The following WDR43 variants were observed in gnomAD, a reference collection of about 807,000 sequenced individuals.
The protein encoded by WDR43 is WD repeat domain 43.
WDR43 carries 13 observed loss-of-function variants against 91.4 expected under a neutral mutation model. The ratio of observed to expected loss-of-function variants is 0.14; its 90% CI spans 0.09 to 0.23. The LOEUF (loss-of-function observed/expected upper bound fraction) is 0.23, where lower values mean the gene tolerates loss of function less well. Ranked by LOEUF, WDR43 falls within the 10% of genes least tolerant of loss-of-function variation. The pLI, the probability that WDR43 is intolerant of heterozygous loss-of-function variation, is 1.00. For synonymous variants in WDR43, 331 were observed against 287.9 expected, an observed-to-expected ratio of 1.15 and a Z score of -1.51; for missense variants, 780 against 809.4, an observed-to-expected ratio of 0.96 and a Z score of 0.44.
chr2:28,922,858 G>A (rs570140134), intron 6 of WDR43, 61 bp from the exon 7 acceptor site: 2 of 1,270,894 alleles, frequency 1.6e-6, no homozygotes, highest in Non-Finnish European at 2.1e-6. Flanking sequence ...GTTTTCATAA[G>A]GTAGATTGGG....
intron 11 of WDR43, among the ~76,000 whole-genome samples, chr2:28,934,726 T>C (rs996142042): frequency 1.3e-5 from 2 of 152,178 alleles, no homozygotes; most frequent in African/African-American, 2.4e-5. Context: ...TTCAAATAAA[T>C]ACATTAATAG....
At chr2:28,921,132 T>A (rs6547896) in intron 6 of WDR43, among the ~76,000 whole-genome samples, 61,335 of 111,538 alleles carry the variant, frequency 0.55, 13,077 homozygotes, top group Middle Eastern at 0.64. Context: ...TTAAAAAAAA[T>A]TTTTTTTTTT....
chr2:28,910,610 T>TA (rs1283957439), intron 3 of WDR43, among the ~76,000 whole-genome samples: 2 of 151,338 alleles, frequency 1.3e-5, no homozygotes, highest in East Asian at 3.9e-4. Context: ...TCCTTTGTAA[T>TA]ATATATTTTT....
At chr2:28,935,674 G>C (rs1671324402) in intron 12 of WDR43, 67 bp downstream of exon 12, 4 of 1,101,806 alleles carry the variant, frequency 3.6e-6, no homozygotes, top group Non-Finnish European at 5.1e-6. Context: ...TCAGTAGTTA[G>C]AGAAATGGAT....
intron 16 of WDR43, among the ~76,000 whole-genome samples, chr2:28,944,292 T>A (rs56354220): frequency 1 from 151,619 of 152,344 alleles, 75,451 homozygotes; most frequent in East Asian, 1. Flanking sequence ...TTTCATTAAA[T>A]TGATTTGTGT....
chr2:28,924,866 G>C lies in WDR43; in HGVS notation c.915-116G>C, dbSNP rs1671098103. The C allele has an allele frequency of 4.9e-6, 6 of 1,236,592 alleles. No homozygotes were observed. The South Asian group carries it at 6.1e-5, about 13-fold the overall frequency. The allele number at this position is 1,236,592 out of a possible 1,614,324, so 76.6% of individuals were successfully genotyped here. A position where few individuals can be genotyped will look rare whatever the true frequency, so the allele number is the denominator to read the frequency against. On this transcript the variant is annotated intron_variant, in intron 7 of 17. Transcript: ENST00000407426. ...TGCTCCGGAGACCCAGGTGACTCCT[G>C]ATGGCAGTATAGAGGCTAGAGGGGG... is the stretch of plus-strand genomic sequence containing the variant.
At chr2:28,922,771 A>G (rs1460550210) in intron 6 of WDR43, 148 bp from the exon 7 acceptor site, 1 of 584,292 alleles carries the variant, frequency 1.7e-6, no homozygotes, top group Non-Finnish European at 2.8e-6. Context: ...GACAGAGGTA[A>G]TTATTTTTAA....
intron 2 of WDR43, 81 bp downstream of exon 2, chr2:28,902,205 A>G: frequency 6.9e-7 from 1 of 1,446,872 alleles, no homozygotes; most frequent in Non-Finnish European, 9.2e-7. Context: ...AAACACTTCA[A>G]GGTATGTGAT....
intron 17 of WDR43, 47 bp from the exon 18 acceptor site, chr2:28,946,553 A>G (rs1224673298): frequency 1.3e-6 from 2 of 1,587,768 alleles, no homozygotes; most frequent in East Asian, 2.3e-5. Flanking sequence ...CATACTCTGT[A>G]AGAATGAGAC....
Position 28,936,930 on chromosome 2 carries a change from G to C in WDR43, c.1533G>C (p.Lys511Asn). 1 of 1,574,022 alleles carries C rather than the reference G, an allele frequency of 6.4e-7. No homozygotes were observed. The highest frequency in any genetic ancestry group is 8.6e-7 in the Non-Finnish European group (1 of 1,158,498). The change falls in exon 13 of 18, where the codon AAG becomes AAC. Residue 511 changes from lysine to asparagine, a missense_variant. Lys to Asn is a moderately conservative substitution (Grantham distance 94). Coordinates refer to ENST00000407426, the MANE Select transcript of WDR43 (RefSeq NM_015131.3). ...TIIPLLQELT[K>N]RLQGHPNSAV... is the part of the protein sequence containing the mutation. ...GTTTTTCTCTCCCTTAGCTTACAAA[G>C]AGGTTACAAGGACATCCTAATAGGT...
chr2:28,935,364 C>T (rs550395805), intron 11 of WDR43, among the ~76,000 whole-genome samples, 157 bp from the exon 12 acceptor site: 1 of 152,156 alleles, frequency 6.6e-6, no homozygotes, highest in Admixed American at 6.5e-5. Context: ...ATACTCCATT[C>T]AGTCCCTCCA....
At chr2:28,915,916 CTTAAT>C (rs1413372447) in intron 5 of WDR43, among the ~76,000 whole-genome samples, 1 of 152,130 alleles carries the variant, frequency 6.6e-6, no homozygotes, top group Non-Finnish European at 1.5e-5. Context: ...CAGATCAACT[CTTAAT>C]TTTCTTCTGA....
At chr2:28,940,951 A>C (rs538249991) in intron 14 of WDR43, among the ~76,000 whole-genome samples, 150 of 152,360 alleles carry the variant, frequency 9.8e-4, no homozygotes, top group Admixed American at 2.0e-3. Context: ...ACTCATTAAC[A>C]GGAAGTATAT....
intron 14 of WDR43, among the ~76,000 whole-genome samples, chr2:28,940,129 A>AG (rs1671407887): frequency 6.6e-6 from 1 of 150,500 alleles, no homozygotes; most frequent in Admixed American, 6.6e-5. Flanking sequence ...AAAAAAAAAA[A>AG]GAATGGAGTC....
At chr2:28,918,139 A>G (rs1572590423) in intron 6 of WDR43, 144 bp downstream of exon 6, 2 of 686,040 alleles carry the variant, frequency 2.9e-6, no homozygotes, top group East Asian at 5.6e-5. Context: ...AGACTGTTCA[A>G]AGGAACTTAA....
At chr2:28,924,206 A>G (rs1268813989) in intron 7 of WDR43, among the ~76,000 whole-genome samples, 1 of 152,214 alleles carries the variant, frequency 6.6e-6, no homozygotes, top group Non-Finnish European at 1.5e-5. Context: ...AGGAGTGTCC[A>G]TCAACCTGGA....
intron 10 of WDR43, among the ~76,000 whole-genome samples, chr2:28,928,839 G>C (rs1437236969): frequency 7.2e-6 from 1 of 139,548 alleles, no homozygotes; most frequent in South Asian, 2.3e-4. Context: ...ATGCCACTAT[G>C]CCTGGCTAAT....
At chr2:28,927,499 T>C in intron 9 of WDR43, 70 bp from the exon 10 acceptor site, 1 of 1,554,104 alleles carries the variant, frequency 6.4e-7, no homozygotes, top group South Asian at 1.2e-5. Context: ...AAAGCTGTTT[T>C]CTCATTGAGG....
At chr2:28,939,576 G>A (rs1671396638) in intron 14 of WDR43, among the ~76,000 whole-genome samples, 1 of 152,148 alleles carries the variant, frequency 6.6e-6, no homozygotes, top group South Asian at 2.1e-4. Context: ...CCTTCTGTAA[G>A]CCAAGGGCTA....
Sources: gnomAD v4.1 joint callset for allele counts (sites outside exome capture counted in the v4.1 genomes callset) on GRCh38, gnomAD v4.1.1 for gene constraint, MANE v1.5 for transcripts, NCBI Gene and HGNC (gene_info 2026-07-23, HGNC 2026-07-21) for gene names.